PTPRT: variants seen among roughly 807,000 people sequenced by gnomAD.
The protein encoded by PTPRT is receptor-type tyrosine-protein phosphatase T.
PTPRT carries 56 observed loss-of-function variants against 176.8 expected under a neutral mutation model. That is an observed-to-expected ratio of 0.32 (90% CI 0.26 to 0.40). The LOEUF (loss-of-function observed/expected upper bound fraction) is 0.40. PTPRT is among the 10% of genes least tolerant of loss of function. The pLI, the probability that PTPRT is intolerant of heterozygous loss-of-function variation, is 1.00. For synonymous variants in PTPRT, 783 were observed against 739.0 expected, an observed-to-expected ratio of 1.06 and a Z score of -0.96; for missense variants, 1,540 against 1,908.2, an observed-to-expected ratio of 0.81 and a Z score of 3.60.
chr20:42,922,750 C>A (rs527801588), intron 1 of PTPRT, among the ~76,000 whole-genome samples: 1 of 152,158 alleles, frequency 6.6e-6, no homozygotes, highest in Non-Finnish European at 1.5e-5. Flanking sequence ...CTTCCATCTG[C>A]CCCAGAAGTC....
chr20:42,044,106 A>C, the PTPRT span, among the ~76,000 whole-genome samples: 1 of 152,222 alleles, frequency 6.6e-6, no homozygotes, highest in Non-Finnish European at 1.5e-5. Flanking sequence ...CAGTCAAATG[A>C]GAAACCAGAC....
chr20:42,233,914 A>G (rs1256200935), intron 15 of PTPRT, among the ~76,000 whole-genome samples: 1 of 152,184 alleles, frequency 6.6e-6, no homozygotes, highest in African/African-American at 2.4e-5. Context: ...TTCAACTGCA[A>G]GTATGTGCAG....
Position 42,483,852 on chromosome 20 carries a change from C to T in PTPRT, c.1154-11290G>A, listed in dbSNP as rs1350188668. On this transcript the variant is annotated intron_variant, in intron 7 of 30. Coordinates refer to ENST00000373187, the MANE Select transcript of PTPRT (RefSeq NM_007050.6). ...GCTAGGATGGCACAAATCACATGTG[C>T]TCTACTGTCTGGCTGCATGCTAGTA... Among the ~76,000 whole-genome samples, 3 of 152,374 alleles carry T rather than the reference C, an allele frequency of 2.0e-5. No homozygotes were observed. In the East Asian group the frequency reaches 5.8e-4, roughly 29 times the overall value.
At chr20:43,174,306 G>T (rs1222173637) in intron 1 of PTPRT, among the ~76,000 whole-genome samples, 1 of 152,136 alleles carries the variant, frequency 6.6e-6, no homozygotes, top group Non-Finnish European at 1.5e-5. Context: ...CAGTTTTGAT[G>T]ATCATTATAC....
chr20:42,614,409 G>A (rs1333305316), intron 7 of PTPRT, among the ~76,000 whole-genome samples: 2 of 152,110 alleles, frequency 1.3e-5, no homozygotes, highest in African/African-American at 4.8e-5. Context: ...ATAGTACCTT[G>A]TACCAATCCA....
chr20:42,066,603 C>G, the PTPRT span, among the ~76,000 whole-genome samples: 1 of 152,180 alleles, frequency 6.6e-6, no homozygotes, highest in Non-Finnish European at 1.5e-5. Context: ...ATCCAGCTCA[C>G]TCATGAAACT....
intron 1 of PTPRT, among the ~76,000 whole-genome samples, chr20:42,924,841 C>T (rs187878113): frequency 6.6e-5 from 10 of 152,356 alleles, no homozygotes; most frequent in Admixed American, 5.9e-4. Flanking sequence ...CCAAATTTCA[C>T]TGGTCATGTA....
At chr20:43,047,526 A>G (rs1986885576) in intron 1 of PTPRT, among the ~76,000 whole-genome samples, 1 of 152,190 alleles carries the variant, frequency 6.6e-6, no homozygotes, top group South Asian at 2.1e-4. Flanking sequence ...AAGTTCAGGG[A>G]GAAAAGAGAC....
At chr20:42,594,908 C>T (rs2145770481) in intron 7 of PTPRT, among the ~76,000 whole-genome samples, 1 of 152,266 alleles carries the variant, frequency 6.6e-6, no homozygotes, top group South Asian at 2.1e-4. Flanking sequence ...GACGTGGGAA[C>T]CCTGACAAAC....
rs1329010453 is a variant in PTPRT, at chr20:42,315,731, C to T, written c.2131G>A (p.Ala711Thr). The change falls in exon 12 of 31, where the codon GCC (alanine) becomes ACC (threonine). Residue 711 changes from alanine (A) to threonine (T), a missense_variant. By Grantham distance (58) the Ala-to-Thr change is moderately conservative. Around this residue, in one of 11 missense-constraint regions of PTPRT, gnomAD observed 255 missense variants for 250.1 expected, o/e 1.02. Coordinates refer to ENST00000373187, the MANE Select transcript of PTPRT (RefSeq NM_007050.6). ...CATGTGGCCATACTTACTCCATTGG[C>T]TTTGCTGAGTGCCTGGAAGTAGATG... The part of the protein sequence containing the change: ...YSIYFQALSK[A>T]NGETKINCVR... 2 of 1,613,808 alleles carry T rather than the reference C, an allele frequency of 1.2e-6. No homozygotes were observed. Among genetic ancestry groups the T allele is most frequent in the Admixed American group, 3.3e-5 (2 of 60,000 alleles).
At position 42,078,775 on chromosome 20, in the gene PTPRT, A is replaced by G. The variant is rs1350621626; in HGVS notation, c.*2104T>C. On this transcript the variant is annotated 3_prime_UTR_variant, in exon 31 of 31. Transcript: ENST00000373187. ...TTTTCACATTTCTTTGCCATTGCAC[A>G]TATGGATCCCTTTGCCTGAGTTTCC... The G allele has an allele frequency of 5.7e-6, 1 of 176,142 alleles. No individual in the cohort carries two copies. Among genetic ancestry groups the G allele is most frequent in the East Asian group, 9.8e-5 (1 of 10,220 alleles). The allele number at this position is 176,142 out of a possible 1,614,324, so 10.9% of individuals were successfully genotyped here. A position where few individuals can be genotyped will look rare whatever the true frequency, so the allele number is the denominator to read the frequency against.
At chr20:42,607,175 C>T (rs1434046902) in intron 7 of PTPRT, among the ~76,000 whole-genome samples, 2 of 149,724 alleles carry the variant, frequency 1.3e-5, no homozygotes, top group African/African-American at 4.9e-5. Context: ...ATGGTGGCTA[C>T]CAGGGGGTGG....
intron 2 of PTPRT, among the ~76,000 whole-genome samples, chr20:42,883,788 C>T (rs2079053896): frequency 3.7e-4 from 3 of 8,006 alleles, no homozygotes; most frequent in Admixed American, 2.7e-3. Flanking sequence ...TAAACGCACA[C>T]CCATACACAC....
chr20:42,561,097 A>C (rs2072944854), intron 7 of PTPRT, among the ~76,000 whole-genome samples: 1 of 152,204 alleles, frequency 6.6e-6, no homozygotes, highest in Non-Finnish European at 1.5e-5. Flanking sequence ...AATCACCTCT[A>C]AATGAGGTCT....
chr20:42,285,545 G>A (rs1306470382), intron 12 of PTPRT, among the ~76,000 whole-genome samples: 2 of 151,862 alleles, frequency 1.3e-5, no homozygotes, highest in African/African-American at 4.8e-5. Context: ...AAATATAAAT[G>A]AAGCTTTATA....
rs563345817 is a variant in PTPRT, at chr20:43,028,304, T to C, written c.89-142372A>G. Among the ~76,000 whole-genome samples the C allele has an allele frequency of 2.0e-5, 3 of 152,264 alleles. No individual in the cohort carries two copies. In the South Asian group the frequency reaches 6.2e-4, roughly 32 times the overall value. ...ACTGCAAGACACAAGCACACCTACT[T>C]GGAGTGTCCCTTTTGTCCTTGCTTT... On this transcript the variant is annotated intron_variant, in intron 1 of 30. Transcript: ENST00000373187.
At chr20:42,966,881 G>A (rs1415408030) in intron 1 of PTPRT, among the ~76,000 whole-genome samples, 2 of 152,216 alleles carry the variant, frequency 1.3e-5, no homozygotes, top group Admixed American at 6.5e-5. Flanking sequence ...AACTGTCAGA[G>A]AAAATTAGAT....
chr20:42,057,926 C>A, the PTPRT span, among the ~76,000 whole-genome samples: 9 of 152,294 alleles, frequency 5.9e-5, no homozygotes, highest in East Asian at 1.7e-3. Context: ...AAATATTTCT[C>A]TCCATTTTGG....
chr20:42,528,941 G>A (rs1299213993), intron 7 of PTPRT, among the ~76,000 whole-genome samples: 1 of 152,156 alleles, frequency 6.6e-6, no homozygotes, highest in Non-Finnish European at 1.5e-5. Context: ...TTTGTGTCCT[G>A]ACTTTTTGTT....
Sources: gnomAD v4.1 joint callset for allele counts (sites outside exome capture counted in the v4.1 genomes callset) on GRCh38, gnomAD v4.1.1 for gene constraint, gnomAD v4.1.1 regional missense constraint, MANE v1.5 for transcripts, NCBI Gene and HGNC (gene_info 2026-07-23, HGNC 2026-07-21) for gene names.